CARMIL1: variants seen among roughly 807,000 people sequenced by gnomAD.
The protein encoded by CARMIL1 is capping protein regulator and myosin 1 linker 1, also known as F-actin-uncapping protein LRRC16A.
CARMIL1 carries 90 observed loss-of-function variants against 177.1 expected under a neutral mutation model. That is an observed-to-expected ratio of 0.51 (90% CI 0.43 to 0.61). The LOEUF is 0.61. Among genes scored for constraint, CARMIL1 ranks in the 20% least tolerant of loss-of-function variants. The probability of loss-of-function intolerance (pLI) is 0.00; values close to 1 mark genes in which losing one functional copy is unlikely to be tolerated. For missense variants in CARMIL1, 1,380 were observed against 1,667.0 expected (o/e 0.83, Z 3.00); for synonymous variants, 577 against 606.2 (o/e 0.95, Z 0.71).
At chr6:25,539,203 A>G (rs1808638973) in intron 25 of CARMIL1, among the ~76,000 whole-genome samples, 1 of 152,152 alleles carries the variant, frequency 6.6e-6, no homozygotes, top group Non-Finnish European at 1.5e-5. Flanking sequence ...CTTATTGGTT[A>G]GAAGTACCAG....
chr6:25,574,871 T>C (rs1020402246), intron 29 of CARMIL1, among the ~76,000 whole-genome samples: 34 of 152,182 alleles, frequency 2.2e-4, no homozygotes, highest in African/African-American at 7.7e-4. Flanking sequence ...ATAAATCTAT[T>C]TCTTATTAAT....
intron 26 of CARMIL1, among the ~76,000 whole-genome samples, chr6:25,544,255 A>G (rs1162085434): frequency 1.3e-5 from 2 of 152,142 alleles, no homozygotes; most frequent in Non-Finnish European, 2.9e-5. Context: ...CTTCTGATGC[A>G]GGAAGCCCAG....
chr6:25,322,328 G>C (rs1784751241), intron 2 of CARMIL1, among the ~76,000 whole-genome samples: 1 of 151,742 alleles, frequency 6.6e-6, no homozygotes, highest in East Asian at 2.0e-4. Context: ...TCGCCATGTT[G>C]GCCAGGCTAG....
chr6:25,438,536 A>G (rs749969727), intron 5 of CARMIL1, among the ~76,000 whole-genome samples: 1 of 151,310 alleles, frequency 6.6e-6, no homozygotes, highest in Non-Finnish European at 1.5e-5. Context: ...GGGGAAGAGA[A>G]GGCGCCTGCC....
intron 2 of CARMIL1, among the ~76,000 whole-genome samples, chr6:25,416,261 ATG>A (rs1344890842): frequency 6.6e-6 from 1 of 151,978 alleles, no homozygotes; most frequent in Non-Finnish European, 1.5e-5. Flanking sequence ...CTATGTTTCC[ATG>A]TGTGTGGACT....
intron 12 of CARMIL1, among the ~76,000 whole-genome samples, chr6:25,485,963 C>T (rs1056508395): frequency 6.6e-6 from 1 of 151,144 alleles, no homozygotes; most frequent in East Asian, 1.9e-4. Flanking sequence ...CTCCCCATGA[C>T]ATCACCACTG....
chr6:25,515,625 G>C lies in CARMIL1; in HGVS notation c.1633-50G>C. The C allele has an allele frequency of 6.6e-7, 1 of 1,521,868 alleles. No homozygotes were observed. The allele number at this position is 1,521,868 out of a possible 1,614,324, so 94.3% of individuals were successfully genotyped here. On this transcript the variant is annotated intron_variant, in intron 20 of 36. Coordinates refer to ENST00000329474, the MANE Select transcript of CARMIL1 (RefSeq NM_017640.6). The surrounding 1 kb of genome is among the most constrained non-coding windows in gnomAD (Gnocchi z 5.0). ...TCCACGAAATGCGTCGTGGAGAGTGGGTGCTGCTTTGATGAGACTGCTGAG... is the reference window on the plus strand; with the variant it reads ...TCCACGAAATGCGTCGTGGAGAGTGCGTGCTGCTTTGATGAGACTGCTGAG...
intron 1 of CARMIL1, among the ~76,000 whole-genome samples, chr6:25,280,433 G>A (rs535360395): frequency 5.3e-5 from 8 of 152,276 alleles, no homozygotes; most frequent in African/African-American, 1.7e-4. Context: ...AAGGGTTACA[G>A]GGCTGACGCA....
intron 2 of CARMIL1, among the ~76,000 whole-genome samples, chr6:25,382,395 C>T (rs956144926): frequency 5.9e-5 from 9 of 152,132 alleles, no homozygotes; most frequent in Admixed American, 2.0e-4. Flanking sequence ...AGAATGAAGC[C>T]GCGGACCTTT....
chr6:25,489,810 A>G (rs968394486), intron 13 of CARMIL1, among the ~76,000 whole-genome samples: 2 of 151,834 alleles, frequency 1.3e-5, no homozygotes, highest in African/African-American at 4.8e-5. Flanking sequence ...TTTTCAATCC[A>G]TTTTCCAGTT....
At chr6:25,450,828 C>A in intron 8 of CARMIL1, 117 bp downstream of exon 8, 1 of 380,158 alleles carries the variant, frequency 2.6e-6, no homozygotes, top group Non-Finnish European at 4.8e-6. Context: ...CCCTTCCCTC[C>A]CCTTCCCTCC....
At chr6:25,417,179 G>T (rs1795429069) in intron 2 of CARMIL1, among the ~76,000 whole-genome samples, 1 of 152,266 alleles carries the variant, frequency 6.6e-6, no homozygotes, top group East Asian at 1.9e-4. Flanking sequence ...TTCAGAGAAG[G>T]TGAATATTTC....
rs903053782 is a variant in CARMIL1 at position 25,584,236 on chromosome 6, T to C, written c.3006+2797T>C. 2.7e-5 allele frequency among the ~76,000 whole-genome samples: 4 copies of C among 150,846 alleles called. No individual in the cohort carries two copies. In the East Asian group the frequency reaches 7.8e-4, roughly 29 times the overall value. ...ATTTTTTTTTGTAGAGATGGGCTCTTGGTATGTTGCCCAGGCTAATCTCGG... is the reference window on the plus strand; with the variant it reads ...ATTTTTTTTTGTAGAGATGGGCTCTCGGTATGTTGCCCAGGCTAATCTCGG... On this transcript the variant is annotated intron_variant, in intron 31 of 36. Transcript: ENST00000329474.
At chr6:25,581,865 C>T (rs1347660903) in intron 31 of CARMIL1, among the ~76,000 whole-genome samples, 2 of 152,064 alleles carry the variant, frequency 1.3e-5, no homozygotes, top group African/African-American at 2.4e-5. Flanking sequence ...CACATGCATC[C>T]CCCACTCCAC....
intron 27 of CARMIL1, among the ~76,000 whole-genome samples, chr6:25,551,709 G>T (rs1260713420): frequency 6.6e-6 from 1 of 152,166 alleles, no homozygotes; most frequent in Non-Finnish European, 1.5e-5. Context: ...TTATAGCTCA[G>T]CTAATTCTCA....
intron 8 of CARMIL1, among the ~76,000 whole-genome samples, chr6:25,456,485 G>A (rs1471821953): frequency 6.6e-6 from 1 of 152,132 alleles, no homozygotes; most frequent in Non-Finnish European, 1.5e-5. Flanking sequence ...AAAATGTCCA[G>A]TTGGCATTTT....
intron 24 of CARMIL1, among the ~76,000 whole-genome samples, chr6:25,531,857 G>A (rs1326277318): frequency 2.0e-5 from 3 of 152,016 alleles, no homozygotes; most frequent in African/African-American, 4.8e-5. Flanking sequence ...TGCAACCTCC[G>A]CCTCCCTGGT....
chr6:25,492,940 G>A (rs891472815), intron 15 of CARMIL1, among the ~76,000 whole-genome samples: 3 of 152,128 alleles, frequency 2.0e-5, no homozygotes, highest in African/African-American at 7.2e-5. Context: ...ATAGATTAAA[G>A]TTAGAGAGTG....
In CARMIL1 at chr6:25,580,907, T is replaced by A. The variant is rs1277254939; in HGVS notation, c.2743-17T>A. 2 of 1,565,626 alleles carry A rather than the reference T, an allele frequency of 1.3e-6. No individual in the cohort carries two copies. Among genetic ancestry groups the A allele is most frequent in the Non-Finnish European group, 1.7e-6 (2 of 1,152,396 alleles). On this transcript the variant is annotated splice_polypyrimidine_tract_variant and intron_variant, in intron 29 of 36. Coordinates refer to ENST00000329474, the MANE Select transcript of CARMIL1 (RefSeq NM_017640.6). ...TGGCTACCTAAGTGTTTTTTTAAATTATTATTTCATTTCTAGATGACCCCT... is the reference window on the plus strand; with the variant it reads ...TGGCTACCTAAGTGTTTTTTTAAATAATTATTTCATTTCTAGATGACCCCT...
Sources: allele counts gnomAD v4.1 joint callset (sites outside exome capture counted in the v4.1 genomes callset), GRCh38; gene constraint gnomAD v4.1.1; non-coding constraint Gnocchi (gnomAD v3.1); transcripts MANE v1.5; gene names NCBI Gene and HGNC (gene_info 2026-07-23, HGNC 2026-07-21).